Variants in TUBGCP3 observed in about 807,000 individuals in gnomAD.
The protein encoded by TUBGCP3 is gamma-tubulin complex component 3.
In TUBGCP3, 50 loss-of-function variants were observed where a neutral mutation model predicts 123.1. The ratio of observed to expected loss-of-function variants is 0.41; its 90% CI spans 0.32 to 0.51. The LOEUF (loss-of-function observed/expected upper bound fraction) is 0.51, where lower values mean the gene tolerates loss of function less well. TUBGCP3 is among the 20% of genes least tolerant of loss of function. The pLI, the probability that TUBGCP3 is intolerant of heterozygous loss-of-function variation, is 0.36. For missense variants in TUBGCP3, 882 were observed against 1,127.0 expected (o/e 0.78, Z 3.11); for synonymous variants, 405 against 413.9 (o/e 0.98, Z 0.26).
At chr13:112,560,790 T>C (rs1045631043) in intron 3 of TUBGCP3, among the ~76,000 whole-genome samples, 4 of 152,226 alleles carry the variant, frequency 2.6e-5, no homozygotes, top group Non-Finnish European at 5.9e-5. Context: ...GAAACTCAAC[T>C]AATCCCCAGC....
intron 8 of TUBGCP3, among the ~76,000 whole-genome samples, chr13:112,550,580 C>T (rs1037685979): frequency 5.3e-5 from 8 of 152,284 alleles, no homozygotes; most frequent in Admixed American, 1.3e-4. Context: ...CCTCTAGGCT[C>T]ATCTACAAAG....
intron 17 of TUBGCP3, among the ~76,000 whole-genome samples, chr13:112,510,501 A>G (rs1881609126): frequency 1.3e-5 from 2 of 152,174 alleles, no homozygotes; most frequent in African/African-American, 4.8e-5. Flanking sequence ...GTTAAGACCT[A>G]GGATTGTTTT....
At chr13:112,552,846 C>T in intron 8 of TUBGCP3, among the ~76,000 whole-genome samples, 1 of 148,622 alleles carries the variant, frequency 6.7e-6, no homozygotes, top group Non-Finnish European at 1.5e-5. Context: ...CACTCCTCCC[C>T]ACCAGCCACG....
chr13:112,496,985 CA>C (rs60584662), intron 20 of TUBGCP3, among the ~76,000 whole-genome samples: 24,707 of 101,588 alleles, frequency 0.24, 2,123 homozygotes, highest in Middle Eastern at 0.33. Flanking sequence ...GACTCCCTCT[CA>C]AAAAAAAAAA....
chr13:112,578,676 C>A (rs148974864), intron 1 of TUBGCP3, among the ~76,000 whole-genome samples: 79 of 151,936 alleles, frequency 5.2e-4, no homozygotes, highest in African/African-American at 1.8e-3. Context: ...GACCTTTCGA[C>A]CCCCACATTC....
rs1876862246 is a variant in TUBGCP3, at chr13:112,524,221, C to A, written c.1556-1712G>T. On this transcript the variant is annotated intron_variant, in intron 13 of 21. Coordinates refer to ENST00000261965, the MANE Select transcript of TUBGCP3 (RefSeq NM_006322.6). The surrounding 1 kb of genome is among the most constrained non-coding windows in gnomAD (Gnocchi z 4.4). ...TCTCTAAATTACTTATAATATCTAG[C>A]GCAATGTACATGCTATGCAAATAGC... 6.6e-6 allele frequency among the ~76,000 whole-genome samples: 1 copy of A among 152,198 alleles called. No individual in the cohort carries two copies. The highest frequency in any genetic ancestry group is 2.1e-4 in the South Asian group (1 of 4,832).
At chr13:112,598,168 G>A in the TUBGCP3 span, among the ~76,000 whole-genome samples, 81 of 152,072 alleles carry the variant, frequency 5.3e-4, no homozygotes, top group Non-Finnish European at 8.4e-4. Context: ...AGTGCAGAAA[G>A]AAAACAACTG....
At chr13:112,538,785 A>C (rs933392503) in intron 11 of TUBGCP3, among the ~76,000 whole-genome samples, 1 of 152,250 alleles carries the variant, frequency 6.6e-6, no homozygotes, top group Non-Finnish European at 1.5e-5. Context: ...CACACTTGAA[A>C]AAAATGCAAT....
At chr13:112,604,250 TG>T in the TUBGCP3 span, 21 of 152,350 alleles carry the variant, frequency 1.4e-4, no homozygotes, top group African/African-American at 5.0e-4. Flanking sequence ...AGGTTTTCTT[TG>T]GGTATCTTTT....
At chr13:112,507,282 T>G (rs1244211813) in intron 17 of TUBGCP3, among the ~76,000 whole-genome samples, 1 of 152,208 alleles carries the variant, frequency 6.6e-6, no homozygotes, top group African/African-American at 2.4e-5. Context: ...ATGCTCAGTG[T>G]GATCCTAAAA....
chr13:112,487,053 A>ATGTGTGTGTGTGTGTGTG (rs10522089), intron 21 of TUBGCP3, among the ~76,000 whole-genome samples: 6 of 147,412 alleles, frequency 4.1e-5, no homozygotes, highest in South Asian at 2.2e-4. Flanking sequence ...AACACTGTGT[A>ATGTGTGTGTGTGTGTGTG]TGTGTGTGTG....
intron 3 of TUBGCP3, among the ~76,000 whole-genome samples, chr13:112,564,450 T>C (rs563680507): frequency 2.6e-4 from 39 of 152,358 alleles, no homozygotes; most frequent in African/African-American, 9.1e-4. Context: ...AGTTCCTTTA[T>C]AGTCAGAAAT....
At chr13:112,544,213 G>A (rs914472883) in intron 11 of TUBGCP3, among the ~76,000 whole-genome samples, 7 of 151,948 alleles carry the variant, frequency 4.6e-5, no homozygotes, top group African/African-American at 1.5e-4. Flanking sequence ...CAGCACTTTG[G>A]GAGGCCAAGG....
chr13:112,488,668 A>G (rs1286873801), intron 21 of TUBGCP3, among the ~76,000 whole-genome samples: 1 of 138,464 alleles, frequency 7.2e-6, no homozygotes, highest in African/African-American at 2.8e-5. Context: ...ACATCCCACC[A>G]CAGGGGAGCA....
At chr13:112,567,075 A>C (rs1881008206) in intron 2 of TUBGCP3, among the ~76,000 whole-genome samples, 1 of 152,240 alleles carries the variant, frequency 6.6e-6, no homozygotes, top group South Asian at 2.1e-4. Flanking sequence ...TGCCTATCAC[A>C]GGAAAGGACT....
chr13:112,515,511 A>G (rs1490480541), intron 17 of TUBGCP3, among the ~76,000 whole-genome samples: 1 of 152,214 alleles, frequency 6.6e-6, no homozygotes, highest in African/African-American at 2.4e-5. Flanking sequence ...GGAGACCCGC[A>G]GAGCCCCAGG....
chr13:112,572,259 T>C (rs1394440414), intron 1 of TUBGCP3, among the ~76,000 whole-genome samples: 1 of 152,208 alleles, frequency 6.6e-6, no homozygotes, highest in Non-Finnish European at 1.5e-5. Context: ...CACTAATTTC[T>C]TTTATTATTA....
chr13:112,520,070 T>C, intron 14 of TUBGCP3, 49 bp from the exon 15 acceptor site: 2 of 1,556,120 alleles, frequency 1.3e-6, no homozygotes, highest in Non-Finnish European at 1.7e-6. Context: ...CAATTCTTAA[T>C]GAACTTTAAA....
chr13:112,603,377 AT>A, the TUBGCP3 span: 1 of 152,164 alleles, frequency 6.6e-6, no homozygotes, highest in African/African-American at 2.4e-5. Flanking sequence ...AATCTCTAAT[AT>A]TTGGTAGATT....
Sources: gnomAD v4.1 joint callset for allele counts (sites outside exome capture counted in the v4.1 genomes callset) on GRCh38, gnomAD v4.1.1 for gene constraint, Gnocchi (gnomAD v3.1) non-coding constraint, MANE v1.5 for transcripts, NCBI Gene and HGNC (gene_info 2026-07-23, HGNC 2026-07-21) for gene names.